Variants in LMBR1 observed in about 807,000 individuals in gnomAD.
LMBR1 encodes limb region 1 protein homolog.
A neutral mutation model predicts 73.9 loss-of-function variants in LMBR1; 52 were observed. That is an observed-to-expected ratio of 0.70 (90% confidence interval 0.56 to 0.89). LMBR1 has a LOEUF of 0.89. Among genes scored for constraint, LMBR1 ranks in the 40% least tolerant of loss-of-function variants. The pLI is 0.00. For missense variants in LMBR1, 539 were observed against 579.8 expected, an observed-to-expected ratio of 0.93 and a Z score of 0.72; for synonymous variants, 215 against 209.4, an observed-to-expected ratio of 1.03 and a Z score of -0.23.
chr7:156,769,548 A>G (rs1201905450), intron 5 of LMBR1, among the ~76,000 whole-genome samples: 4 of 152,024 alleles, frequency 2.6e-5, no homozygotes, highest in Admixed American at 6.6e-5. Context: ...ATCCAATCTC[A>G]TTGCCAAAAC....
chr7:156,885,356 G>GA (rs77851787), intron 1 of LMBR1, among the ~76,000 whole-genome samples: 184 of 123,866 alleles, frequency 1.5e-3, no homozygotes, highest in Middle Eastern at 4.1e-3. Context: ...CCGTGTAAAA[G>GA]AAAAAAAAAA....
intron 15 of LMBR1, among the ~76,000 whole-genome samples, chr7:156,710,226 A>T (rs1466272667): frequency 1.3e-5 from 2 of 152,084 alleles, no homozygotes; most frequent in African/African-American, 2.4e-5. Context: ...TTATTAAGCT[A>T]CTCAAGGAGA....
At chr7:156,716,160 A>G (rs930474623) in intron 15 of LMBR1, among the ~76,000 whole-genome samples, 1 of 152,226 alleles carries the variant, frequency 6.6e-6, no homozygotes, top group African/African-American at 2.4e-5. Flanking sequence ...AGGTACGTAT[A>G]ATACAAGGTT....
downstream of LMBR1, chr7:156,676,799 T>C: frequency 3.1e-6 from 2 of 644,148 alleles, no homozygotes; most frequent in Non-Finnish European, 5.3e-6. Context: ...GAAATCTTAG[T>C]ATATTTTAAA....
At chr7:156,892,546 G>T in intron 1 of LMBR1, 1 of 166,266 alleles carries the variant, frequency 6.0e-6, no homozygotes, top group Non-Finnish European at 1.3e-5. Context: ...CCGCACACCC[G>T]CCCAGAGAGG....
At chr7:156,851,278 C>G (rs1796200342) in intron 1 of LMBR1, among the ~76,000 whole-genome samples, 1 of 152,160 alleles carries the variant, frequency 6.6e-6, no homozygotes, top group Non-Finnish European at 1.5e-5. Context: ...AATTTGAATA[C>G]AATACACATG....
intron 4 of LMBR1, among the ~76,000 whole-genome samples, chr7:156,805,716 A>G (rs111834700): frequency 0.032 from 4,841 of 152,300 alleles, 123 homozygotes; most frequent in South Asian, 0.085. Flanking sequence ...ATCAATTTGA[A>G]GAGAGCTGAC....
At chr7:156,785,647 G>A (rs1420903918) in intron 5 of LMBR1, among the ~76,000 whole-genome samples, 1 of 152,126 alleles carries the variant, frequency 6.6e-6, no homozygotes, top group Non-Finnish European at 1.5e-5. Flanking sequence ...CAGAGCAAAG[G>A]ACAGAAGAAA....
chr7:156,777,994 T>C (rs1186746026), intron 5 of LMBR1, among the ~76,000 whole-genome samples: 1 of 152,102 alleles, frequency 6.6e-6, no homozygotes, highest in Non-Finnish European at 1.5e-5. Flanking sequence ...CTCAAATTCA[T>C]CCCTTCTTTT....
chr7:156,700,517 C>A (rs1029054119), intron 15 of LMBR1, among the ~76,000 whole-genome samples: 7 of 152,172 alleles, frequency 4.6e-5, no homozygotes, highest in Non-Finnish European at 1.0e-4. Flanking sequence ...ACGTTGTGCA[C>A]ATGTACCCTA....
At chr7:156,888,484 G>A (rs1802334378) in intron 1 of LMBR1, among the ~76,000 whole-genome samples, 1 of 151,750 alleles carries the variant, frequency 6.6e-6, no homozygotes, top group African/African-American at 2.4e-5. Flanking sequence ...TTGAAAGCAG[G>A]GACTCTAATA....
chr7:156,685,428 T>A lies in LMBR1; in HGVS notation c.1388-1265A>T, dbSNP rs1380835845. On this transcript the variant is annotated intron_variant, in intron 16 of 16. Coordinates refer to ENST00000353442, the MANE Select transcript of LMBR1 (RefSeq NM_022458.4). The surrounding 1 kb of genome is among the most constrained non-coding windows in gnomAD (Gnocchi z 4.1). ...CTGTCGCTGTGATGCCATCATAGAG[T>A]GTATCTATACACCCAGAGGGCACAG... Among the ~76,000 whole-genome samples the A allele has an allele frequency of 1.3e-5, 2 of 152,110 alleles. No individual in the cohort carries two copies. Among genetic ancestry groups the A allele is most frequent in the Non-Finnish European group, 2.9e-5 (2 of 68,030 alleles).
intron 5 of LMBR1, among the ~76,000 whole-genome samples, chr7:156,774,426 C>A (rs150498481): frequency 3.0e-4 from 46 of 152,346 alleles, no homozygotes; most frequent in African/African-American, 1.1e-3. Flanking sequence ...ATGTTCACTG[C>A]AGCACTATTC....
chr7:156,781,945 A>AT, intron 5 of LMBR1, among the ~76,000 whole-genome samples: 1 of 152,294 alleles, frequency 6.6e-6, no homozygotes, highest in Non-Finnish European at 1.5e-5. Context: ...TGCTTTTCAT[A>AT]TTCACCAACT....
At chr7:156,816,986 T>C (rs1056896851) in intron 4 of LMBR1, among the ~76,000 whole-genome samples, 1 of 152,186 alleles carries the variant, frequency 6.6e-6, no homozygotes, top group Non-Finnish European at 1.5e-5. Context: ...TATTTCCATA[T>C]AGTAGTCAAA....
chr7:156,826,101 T>G (rs1185243201), intron 4 of LMBR1, among the ~76,000 whole-genome samples: 1 of 152,212 alleles, frequency 6.6e-6, no homozygotes, highest in East Asian at 1.9e-4. Context: ...TGCCTCAGCC[T>G]CCCAAGTAGC....
chr7:156,729,253 T>C (rs1008717142), intron 10 of LMBR1, among the ~76,000 whole-genome samples: 2 of 152,150 alleles, frequency 1.3e-5, no homozygotes, highest in East Asian at 1.9e-4. Flanking sequence ...ATATTGTTGA[T>C]ATACAGCTGA....
At chr7:156,708,482 G>C (rs991326470) in intron 15 of LMBR1, among the ~76,000 whole-genome samples, 1 of 152,162 alleles carries the variant, frequency 6.6e-6, no homozygotes, top group African/African-American at 2.4e-5. Context: ...GAGCCCTGTA[G>C]GCTCTCCCAG....
chr7:156,739,690 T>C (rs1818536115), intron 9 of LMBR1, among the ~76,000 whole-genome samples: 1 of 152,204 alleles, frequency 6.6e-6, no homozygotes, highest in African/African-American at 2.4e-5. Flanking sequence ...CTAAACCCAC[T>C]GAGGCATTCG....
Sources: gnomAD v4.1 joint callset for allele counts (sites outside exome capture counted in the v4.1 genomes callset) on GRCh38, gnomAD v4.1.1 for gene constraint, Gnocchi (gnomAD v3.1) non-coding constraint, MANE v1.5 for transcripts, NCBI Gene and HGNC (gene_info 2026-07-23, HGNC 2026-07-21) for gene names.